Variants in SH3TC1 observed in about 807,000 individuals in gnomAD.
SH3TC1 encodes SH3 domain and tetratricopeptide repeat-containing protein 1.
A neutral mutation model predicts 117.3 loss-of-function variants in SH3TC1; 135 were observed. That is an observed-to-expected ratio of 1.15 (90% CI 1.00 to 1.33). The LOEUF (loss-of-function observed/expected upper bound fraction) is 1.33. Among genes scored for constraint, SH3TC1 ranks in the 40% most tolerant of loss-of-function variants. The probability of loss-of-function intolerance (pLI) is 0.00; values close to 1 mark genes in which losing one functional copy is unlikely to be tolerated. For missense variants in SH3TC1, 2,092 were observed against 1,794.3 expected, an observed-to-expected ratio of 1.17 and a Z score of -3.00; for synonymous variants, 898 against 816.9, an observed-to-expected ratio of 1.10 and a Z score of -1.69.
At chr4:8,236,875 C>T (rs555148672) in intron 16 of SH3TC1, 31 of 166,648 alleles carry the variant, frequency 1.9e-4, no homozygotes, top group East Asian at 5.3e-4. Context: ...GTGCCAGGGT[C>T]GTCTGTCCTC....
rs201637071 is a variant in SH3TC1 at position 8,228,268 on chromosome 4, C to G, written c.2574C>G (p.Ser858Arg). The G allele has an allele frequency of 2.7e-5, 44 of 1,611,960 alleles. No homozygotes were observed. The highest frequency in any genetic ancestry group is 3.6e-5 in the Non-Finnish European group (42 of 1,179,620). The change falls in exon 12 of 18, where the codon AGC (serine) becomes AGG (arginine). Residue 858 changes from serine (S) to arginine (R), a missense_variant. Ser to Arg is a moderately radical substitution (Grantham distance 110). Coordinates refer to ENST00000245105, the MANE Select transcript of SH3TC1 (RefSeq NM_018986.5). ...CTGTCCGGGATGCAGTGGTGGCCAG[C>G]GAGGACCAGGAGGGCGTGATTGCCA... is the stretch of plus-strand genomic sequence containing the variant. Reference protein sequence around the residue: ...LQSVRDAVVASEDQEGVIANM... With the variant: ...LQSVRDAVVAREDQEGVIANM...
rs2152974874 is a variant in SH3TC1, at chr4:8,192,776, G to A, written c.-57+10566G>A. The stretch of plus-strand genomic sequence containing the variant: ...CTAAGTGCTGGGATTACAGGCGTGA[G>A]CCACGGTGCCCGGCCCACTTGTCTT... On this transcript the variant is annotated intron_variant, in intron 1 of 16. Transcript: ENST00000508641. This position sits in a 1 kb window ranked among gnomAD's most constrained non-coding sequence, Gnocchi z 4.1. Among the ~76,000 whole-genome samples, 1 of 152,356 alleles carries A rather than the reference G, an allele frequency of 6.6e-6. No homozygotes were observed. The highest frequency in any genetic ancestry group is 1.9e-4 in the East Asian group (1 of 5,186).
At chr4:8,218,238 C>T (rs1314079798) in intron 7 of SH3TC1, 33 bp from the exon 8 acceptor site, 1 of 1,573,518 alleles carries the variant, frequency 6.4e-7, no homozygotes. Context: ...AATCTGAAAT[C>T]CCGCAGCAAA....
At chr4:8,223,445 G>T (rs79487721) in intron 10 of SH3TC1, among the ~76,000 whole-genome samples, 3,649 of 152,318 alleles carry the variant, frequency 0.024, 137 homozygotes, top group African/African-American at 0.083. Context: ...CCCCAGGGCT[G>T]CCGTCTCCTA....
Position 8,225,365 on chromosome 4 carries a change from T to C in SH3TC1, c.1285+149T>C. 9.4e-6 allele frequency: 8 copies of C among 848,314 alleles called. No individual in the cohort carries two copies. Among genetic ancestry groups the C allele is most frequent in the Non-Finnish European group, 1.5e-5 (8 of 539,686 alleles). 52.5% of individuals were successfully genotyped at this position (848,314 alleles called of 1,614,324 possible). A position where few individuals can be genotyped will look rare whatever the true frequency, so the allele number is the denominator to read the frequency against. On this transcript the variant is annotated intron_variant, in intron 11 of 17. Coordinates refer to ENST00000245105, the MANE Select transcript of SH3TC1 (RefSeq NM_018986.5). This position sits in a 1 kb window ranked among gnomAD's most constrained non-coding sequence, Gnocchi z 5.5. ...GGCTGGGGGCTTGGGGGAGGTTGCC[T>C]GAGGTGGGCCTGAACCTCCCGTCCA... is the stretch of plus-strand genomic sequence containing the variant.
rs114297818 is a variant in SH3TC1 at position 8,231,526 on chromosome 4, C to A, written c.2951-450C>A. ...CCTGTGGGTTTGGAGCCTGGCTGCA[C>A]GGGAGGAGCACGTGTGGGAATGCCA... On this transcript the variant is annotated intron_variant, in intron 12 of 17. Transcript: ENST00000245105. 1.6e-3 allele frequency: 275 copies of A among 166,974 alleles called. 1 individual carries two copies. The highest frequency in any genetic ancestry group is 6.3e-3 in the African/African-American group (262 of 41,914). 10.3% of individuals were successfully genotyped at this position (166,974 alleles called of 1,614,324 possible). A position where few individuals can be genotyped will look rare whatever the true frequency, so the allele number is the denominator to read the frequency against.
chr4:8,194,457 C>A (rs1717502065), upstream of SH3TC1, among the ~76,000 whole-genome samples: 1 of 152,144 alleles, frequency 6.6e-6, no homozygotes, highest in Admixed American at 6.5e-5. Context: ...AGCAGCCAGA[C>A]CCTGGGATGG....
chr4:8,189,729 G>A (rs1435711297), intron 1 of SH3TC1, among the ~76,000 whole-genome samples: 1 of 152,224 alleles, frequency 6.6e-6, no homozygotes, highest in African/African-American at 2.4e-5. Context: ...CTGGCCATCA[G>A]AGAGGCAGAC....
rs576957369 is a variant in SH3TC1, at chr4:8,186,938, C to A, written c.-57+4728C>A. Reference sequence around the variant, plus strand: ...CAGCCTGGGTGACAGGGCAAGACTACGTCTCAAAAAAAAAAAAAAAAAAGG... The same window carrying A: ...CAGCCTGGGTGACAGGGCAAGACTAAGTCTCAAAAAAAAAAAAAAAAAAGG... On this transcript the variant is annotated intron_variant, in intron 1 of 16. Transcript: ENST00000508641. The surrounding 1 kb of genome is among the most constrained non-coding windows in gnomAD (Gnocchi z 5.2). Among the ~76,000 whole-genome samples, 4 of 142,152 alleles carry A rather than the reference C, an allele frequency of 2.8e-5. No individual in the cohort carries two copies. Among genetic ancestry groups the A allele is most frequent in the African/African-American group, 5.4e-5 (2 of 37,234 alleles). The allele number at this position is 142,152 out of a possible 152,430, so 93.3% of individuals were successfully genotyped here. A position where few individuals can be genotyped will look rare whatever the true frequency, so the allele number is the denominator to read the frequency against.
intron 1 of SH3TC1, among the ~76,000 whole-genome samples, chr4:8,203,045 G>C (rs74661564): frequency 1.3e-5 from 2 of 152,182 alleles, no homozygotes; most frequent in Non-Finnish European, 2.9e-5. Flanking sequence ...ACACCCACTC[G>C]TCCCTGTCTG....
intron 9 of SH3TC1, among the ~76,000 whole-genome samples, chr4:8,221,445 CT>C (rs543501135): frequency 1.7e-4 from 25 of 147,890 alleles, no homozygotes; most frequent in East Asian, 3.9e-4. Context: ...GGTAGCTCTT[CT>C]TTTTTTTTTT....
At chr4:8,196,598 A>G (rs1459340009), upstream of SH3TC1, among the ~76,000 whole-genome samples, 1 of 152,190 alleles carries the variant, frequency 6.6e-6, no homozygotes, top group Non-Finnish European at 1.5e-5. This position sits in a 1 kb window ranked among gnomAD's most constrained non-coding sequence, Gnocchi z 4.6. Context: ...GGGCTTCAGC[A>G]GTGGGACCTT....
At chr4:8,214,670 C>CT in intron 5 of SH3TC1, 90 bp downstream of exon 5, 1 of 972,940 alleles carries the variant, frequency 1.0e-6, no homozygotes, top group Non-Finnish European at 1.6e-6. Flanking sequence ...CAAACTGGTG[C>CT]TTTGTTTATT....
intron 1 of SH3TC1, among the ~76,000 whole-genome samples, chr4:8,184,668 T>C (rs2152973589): frequency 6.6e-6 from 1 of 152,276 alleles, no homozygotes; most frequent in Non-Finnish European, 1.5e-5. Flanking sequence ...TATGAGCCAC[T>C]GTGGCCGGCT....
At chr4:8,223,130 C>A (rs971914849) in intron 10 of SH3TC1, among the ~76,000 whole-genome samples, 160 bp downstream of exon 10, 2 of 152,206 alleles carry the variant, frequency 1.3e-5, no homozygotes, top group African/African-American at 4.8e-5. Context: ...GGGCTGCAGA[C>A]AAGCCAGACA....
chr4:8,220,735 C>G (rs1178343811), intron 9 of SH3TC1, among the ~76,000 whole-genome samples: 2 of 152,216 alleles, frequency 1.3e-5, no homozygotes, highest in Non-Finnish European at 2.9e-5. Flanking sequence ...AGGGCTGCGA[C>G]AGACCAACAC....
chr4:8,238,865 T>TCAAGGGGCA (rs1722066590), intron 17 of SH3TC1, among the ~76,000 whole-genome samples: 2 of 151,944 alleles, frequency 1.3e-5, no homozygotes, highest in African/African-American at 4.8e-5. Context: ...ATGGCTGGGG[T>TCAAGGGGCA]CAAGGGGCAC....
At chr4:8,217,984 G>T (rs1248831550) in intron 7 of SH3TC1, among the ~76,000 whole-genome samples, 1 of 151,926 alleles carries the variant, frequency 6.6e-6, no homozygotes, top group African/African-American at 2.4e-5. Flanking sequence ...CAGGTGCTTT[G>T]GAGGTCTGCA....
intron 1 of SH3TC1, among the ~76,000 whole-genome samples, chr4:8,193,403 G>A (rs1300133249): frequency 6.6e-6 from 1 of 152,166 alleles, no homozygotes; most frequent in Non-Finnish European, 1.5e-5. Flanking sequence ...GGCTGTGGGA[G>A]CCACTTCACT....
Sources: allele counts gnomAD v4.1 joint callset (sites outside exome capture counted in the v4.1 genomes callset), GRCh38; gene constraint gnomAD v4.1.1; non-coding constraint Gnocchi (gnomAD v3.1); transcripts MANE v1.5; gene names NCBI Gene and HGNC (gene_info 2026-07-23, HGNC 2026-07-21).